ACACA: variants seen among roughly 807,000 people sequenced by gnomAD.
ACACA encodes the protein acetyl-CoA carboxylase alpha.
ACACA carries 103 observed loss-of-function variants against 296.1 expected under a neutral mutation model. The observed-to-expected ratio is 0.35, with a 90% CI of 0.30 to 0.41. ACACA has a LOEUF of 0.41. ACACA is among the 10% of genes least tolerant of loss of function. ACACA has a pLI of 1.00. For synonymous variants in ACACA, 953 were observed against 1,038.6 expected, an observed-to-expected ratio of 0.92 and a Z score of 1.58; for missense variants, 1,554 against 2,989.7, an observed-to-expected ratio of 0.52 and a Z score of 11.20.
At chr17:37,341,208 G>C (rs2048359016) in intron 1 of ACACA, among the ~76,000 whole-genome samples, 1 of 151,994 alleles carries the variant, frequency 6.6e-6, no homozygotes, top group African/African-American at 2.4e-5. Context: ...TCAAATTATG[G>C]GTTACCACCC....
chr17:37,131,169 GT>G (rs772867490), intron 45 of ACACA, among the ~76,000 whole-genome samples: 13 of 151,934 alleles, frequency 8.6e-5, no homozygotes, highest in Non-Finnish European at 1.6e-4. Flanking sequence ...TCAATCCCTG[GT>G]ATATCCCTGG....
chr17:37,130,328 A>G, intron 45 of ACACA, 110 bp from the exon 46 acceptor site: 1 of 1,364,448 alleles, frequency 7.3e-7, no homozygotes, highest in Non-Finnish European at 1.0e-6. Context: ...CAGAGATTTC[A>G]GTCTCCATGG....
chr17:37,174,028 T>A (rs1184708843), intron 41 of ACACA, among the ~76,000 whole-genome samples: 84 of 59,870 alleles, frequency 1.4e-3, no homozygotes, highest in Non-Finnish European at 2.6e-3. Context: ...ATATTTTTTT[T>A]TTTTTTTTTT....
chr17:37,225,493 C>T, intron 26 of ACACA: 1 of 215,846 alleles, frequency 4.6e-6, no homozygotes. Flanking sequence ...GTAGATGCAG[C>T]AGAGCTAGCC....
intron 41 of ACACA, among the ~76,000 whole-genome samples, chr17:37,174,020 A>ATATATATATATATATATATTT (rs552735515): frequency 6.0e-5 from 1 of 16,794 alleles, no homozygotes; most frequent in Non-Finnish European, 9.9e-5. Context: ...ATATATATAT[A>ATATATATATATATATATATTT]TTTTTTTTTT....
At position 37,245,193 on chromosome 17, in the gene ACACA, A is replaced by C. The variant is rs760900283; in HGVS notation, c.2482T>G (p.Leu828Val). ...EIEVMKMVMTLTAVESGCIHY... is the reference protein window; with the variant it reads ...EIEVMKMVMTVTAVESGCIHY... ...ATACAGCCAGACTCCACAGCTGTTA[A>C]GGTCATTACCATCTTCATTACCTAT... Residue 828 changes from leucine to valine, a missense_variant, in exon 20 of 56, where the codon TTA (leucine) becomes GTA (valine). This residue lies in a region of ACACA where 316 missense variants were observed against 540.9 expected (regional missense o/e 0.58). Coordinates refer to ENST00000616317, the MANE Select transcript of ACACA (RefSeq NM_198834.3). 6.2e-7 allele frequency: 1 copy of C among 1,614,100 alleles called. No individual in the cohort carries two copies. Among genetic ancestry groups the C allele is most frequent in the South Asian group, 1.1e-5 (1 of 91,080 alleles).
intron 44 of ACACA, 53 bp from the exon 45 acceptor site, chr17:37,150,027 A>G (rs895336803): frequency 1.3e-5 from 19 of 1,509,554 alleles, no homozygotes; most frequent in Non-Finnish European, 1.0e-5. Flanking sequence ...CTCTGAAGCT[A>G]TAAGAACTAA....
chr17:37,336,469 C>T (rs1188564723), intron 2 of ACACA, among the ~76,000 whole-genome samples: 1 of 152,166 alleles, frequency 6.6e-6, no homozygotes, highest in Non-Finnish European at 1.5e-5. Context: ...TCACGCCCAA[C>T]CAATCAGATA....
At chr17:37,363,756 C>T (rs2049503839) in intron 1 of ACACA, among the ~76,000 whole-genome samples, 2 of 151,482 alleles carry the variant, frequency 1.3e-5, no homozygotes, top group African/African-American at 2.4e-5. Flanking sequence ...GAACACAAGG[C>T]GGGTGGATCA....
intron 9 of ACACA, among the ~76,000 whole-genome samples, chr17:37,273,872 TAGAGAG>T (rs966731829): frequency 6.6e-6 from 1 of 151,960 alleles, no homozygotes; most frequent in Non-Finnish European, 1.5e-5. Flanking sequence ...TAACAGGTGG[TAGAGAG>T]AGAGAGAATC....
intron 55 of ACACA, 60 bp downstream of exon 55, chr17:37,088,878 C>G: frequency 1.3e-6 from 2 of 1,594,458 alleles, no homozygotes; most frequent in South Asian, 1.1e-5. Flanking sequence ...TGTTTGGAAA[C>G]TTTTTATTCC....
At chr17:37,303,191 T>A (rs1219816834) in intron 3 of ACACA, among the ~76,000 whole-genome samples, 2 of 152,206 alleles carry the variant, frequency 1.3e-5, no homozygotes, top group Non-Finnish European at 2.9e-5. Context: ...AGCCAACCAC[T>A]AATCTACTTT....
chr17:37,199,059 G>A (rs2078129247), intron 35 of ACACA, among the ~76,000 whole-genome samples: 1 of 151,978 alleles, frequency 6.6e-6, no homozygotes, highest in African/African-American at 2.4e-5. Flanking sequence ...GGCTAACATG[G>A]TGAACCCCTG....
At chr17:37,233,522 G>A (rs1439956558) in intron 25 of ACACA, among the ~76,000 whole-genome samples, 3 of 152,182 alleles carry the variant, frequency 2.0e-5, no homozygotes, top group East Asian at 1.9e-4. Flanking sequence ...TCTTAAAAAC[G>A]TAATCACAAT....
intron 5 of ACACA, among the ~76,000 whole-genome samples, chr17:37,279,929 T>C: frequency 6.6e-6 from 1 of 152,198 alleles, no homozygotes; most frequent in South Asian, 2.1e-4. Context: ...CCTATATAAT[T>C]CATTTGACTA....
chr17:37,358,334 C>A (rs1597700485), intron 1 of ACACA, among the ~76,000 whole-genome samples: 1 of 152,222 alleles, frequency 6.6e-6, no homozygotes, highest in African/African-American at 2.4e-5. Flanking sequence ...CAGCTTCCTA[C>A]GTCCTATTTC....
intron 41 of ACACA, among the ~76,000 whole-genome samples, chr17:37,163,970 A>T (rs982992583): frequency 4.6e-5 from 7 of 152,164 alleles, no homozygotes; most frequent in Admixed American, 2.0e-4. Context: ...ATTCATTCAT[A>T]CGCTAGTTAC....
chr17:37,177,141 T>C (rs2077146305), intron 41 of ACACA, among the ~76,000 whole-genome samples: 1 of 152,166 alleles, frequency 6.6e-6, no homozygotes, highest in African/African-American at 2.4e-5. Flanking sequence ...GGAAAACATG[T>C]GGCTCCTATA....
chr17:37,290,885 A>G (rs2083018463), intron 3 of ACACA, among the ~76,000 whole-genome samples: 1 of 152,072 alleles, frequency 6.6e-6, no homozygotes, highest in Non-Finnish European at 1.5e-5. Flanking sequence ...TATCAAGGCC[A>G]TCCTGGCCAA....
Sources: gnomAD v4.1 joint callset for allele counts (sites outside exome capture counted in the v4.1 genomes callset) on GRCh38, gnomAD v4.1.1 for gene constraint, gnomAD v4.1.1 regional missense constraint, MANE v1.5 for transcripts, NCBI Gene and HGNC (gene_info 2026-07-23, HGNC 2026-07-21) for gene names.